The following SLC4A4 variants were observed in gnomAD, a reference collection of about 807,000 sequenced individuals.
SLC4A4 encodes the protein electrogenic sodium bicarbonate cotransporter 1.
Under a neutral mutation model 111.5 loss-of-function variants are expected in SLC4A4, and 27 were observed. That is an observed-to-expected ratio of 0.24 (90% CI 0.18 to 0.33). The LOEUF (loss-of-function observed/expected upper bound fraction) is 0.33, where lower values mean the gene tolerates loss of function less well. SLC4A4 is among the 10% of genes least tolerant of loss of function. The pLI is 1.00. For missense variants in SLC4A4, 909 were observed against 1,315.5 expected (o/e 0.69, Z 4.78); for synonymous variants, 443 against 463.4 (o/e 0.96, Z 0.57).
At chr4:71,175,907 C>A (rs1189495721) in intron 2 of SLC4A4, among the ~76,000 whole-genome samples, 1 of 152,204 alleles carries the variant, frequency 6.6e-6, no homozygotes, top group African/African-American at 2.4e-5. Flanking sequence ...CCCCGAGTAA[C>A]CTAACTGGGA....
intron 2 of SLC4A4, among the ~76,000 whole-genome samples, chr4:71,129,648 A>G (rs1231988259): frequency 6.6e-6 from 1 of 152,164 alleles, no homozygotes; most frequent in Non-Finnish European, 1.5e-5. Context: ...TTGTTCTACC[A>G]TAAAGACACA....
intron 18 of SLC4A4, among the ~76,000 whole-genome samples, chr4:71,535,017 C>T (rs552025264): frequency 3.9e-5 from 6 of 152,070 alleles, no homozygotes; most frequent in Non-Finnish European, 8.8e-5. Flanking sequence ...AATGTTTTTC[C>T]AGCTCCAGTG....
intron 12 of SLC4A4, among the ~76,000 whole-genome samples, chr4:71,463,904 C>T (rs1339800154): frequency 6.6e-6 from 1 of 152,146 alleles, no homozygotes; most frequent in African/African-American, 2.4e-5. Context: ...AAAATCTCTT[C>T]TTTTGTATTG....
intron 1 of SLC4A4, among the ~76,000 whole-genome samples, chr4:71,085,237 CT>C (rs1742124245): frequency 6.6e-6 from 1 of 151,926 alleles, no homozygotes. Flanking sequence ...CCTTCGCCCA[CT>C]TTTTGATGGG....
At chr4:71,379,996 T>G (rs1320208025) in intron 6 of SLC4A4, among the ~76,000 whole-genome samples, 1 of 152,114 alleles carries the variant, frequency 6.6e-6, no homozygotes, top group African/African-American at 2.4e-5. Flanking sequence ...GTTGACTAAA[T>G]GGACACTTAA....
intron 7 of SLC4A4, among the ~76,000 whole-genome samples, chr4:71,423,876 A>G (rs963379765): frequency 7.2e-5 from 11 of 152,318 alleles, no homozygotes; most frequent in Middle Eastern, 3.4e-3. Flanking sequence ...TAGACCTAAA[A>G]CCATAAAAAC....
At chr4:71,523,825 T>TAA (rs1232465146) in intron 16 of SLC4A4, among the ~76,000 whole-genome samples, 1 of 152,176 alleles carries the variant, frequency 6.6e-6, no homozygotes, top group Non-Finnish European at 1.5e-5. Flanking sequence ...ATGATAGTGA[T>TAA]TTATTTGAGT....
intron 3 of SLC4A4, among the ~76,000 whole-genome samples, chr4:71,291,342 T>C (rs955626151): frequency 3.3e-5 from 5 of 152,140 alleles, no homozygotes; most frequent in Admixed American, 1.3e-4. Context: ...TAATAAAATT[T>C]AAAAAAAGTT....
At chr4:71,501,350 A>G (rs1430120061) in intron 16 of SLC4A4, among the ~76,000 whole-genome samples, 2 of 151,604 alleles carry the variant, frequency 1.3e-5, no homozygotes, top group Non-Finnish European at 1.5e-5. Flanking sequence ...TTTTTGGTGG[A>G]GTCTTTATGT....
intron 16 of SLC4A4, among the ~76,000 whole-genome samples, chr4:71,498,866 C>A (rs1163143072): frequency 6.6e-6 from 1 of 152,148 alleles, no homozygotes; most frequent in Non-Finnish European, 1.5e-5. Context: ...CACACTCTCT[C>A]TCTCTTACTT....
chr4:71,328,951 G>T (rs1239321593), intron 3 of SLC4A4, among the ~76,000 whole-genome samples: 2 of 152,070 alleles, frequency 1.3e-5, no homozygotes, highest in African/African-American at 4.8e-5. Flanking sequence ...ATAGTTTGAG[G>T]TTTTAAATTT....
intron 1 of SLC4A4, among the ~76,000 whole-genome samples, chr4:71,079,604 T>C (rs1315613721): frequency 2.0e-5 from 3 of 151,892 alleles, no homozygotes. Context: ...AGCAAGACCC[T>C]ATCTCTCTAA....
At chr4:71,405,873 T>C (rs1720793684) in intron 7 of SLC4A4, among the ~76,000 whole-genome samples, 1 of 152,164 alleles carries the variant, frequency 6.6e-6, no homozygotes, top group Admixed American at 6.6e-5. Flanking sequence ...GAGTTTATTT[T>C]CCTGATCTAA....
intron 1 of SLC4A4, among the ~76,000 whole-genome samples, chr4:71,216,844 C>T (rs2149017467): frequency 6.6e-6 from 1 of 152,266 alleles, no homozygotes; most frequent in African/African-American, 2.4e-5. Flanking sequence ...GGACTTGCGG[C>T]ATGACAATAC....
At chr4:71,539,023 A>C (rs1734811854) in intron 18 of SLC4A4, among the ~76,000 whole-genome samples, 1 of 152,078 alleles carries the variant, frequency 6.6e-6, no homozygotes, top group African/African-American at 2.4e-5. Flanking sequence ...GGGAGAAATA[A>C]TTTAGGATAG....
intron 3 of SLC4A4, among the ~76,000 whole-genome samples, chr4:71,292,658 A>G (rs1724442866): frequency 6.6e-6 from 1 of 152,074 alleles, no homozygotes; most frequent in South Asian, 2.1e-4. Flanking sequence ...GATATTCACA[A>G]CATTTCTTGA....
At chr4:71,318,322 G>C (rs1013872816) in intron 3 of SLC4A4, among the ~76,000 whole-genome samples, 1 of 151,994 alleles carries the variant, frequency 6.6e-6, no homozygotes, top group Admixed American at 6.6e-5. Flanking sequence ...TTTTGACTTA[G>C]TTCAGAACAT....
At chr4:71,416,921 A>AT (rs992631328) in intron 7 of SLC4A4, among the ~76,000 whole-genome samples, 4 of 152,104 alleles carry the variant, frequency 2.6e-5, no homozygotes, top group African/African-American at 4.8e-5. Flanking sequence ...TCAGCAGGGA[A>AT]TTTTTTTAAA....
intron 6 of SLC4A4, among the ~76,000 whole-genome samples, chr4:71,375,308 A>G (rs990118483): frequency 2.0e-5 from 3 of 152,196 alleles, no homozygotes; most frequent in African/African-American, 7.2e-5. Context: ...GGCCTAACCC[A>G]TAGTGAACTA....
Sources: allele counts gnomAD v4.1 joint callset (sites outside exome capture counted in the v4.1 genomes callset), GRCh38; gene constraint gnomAD v4.1.1; transcripts MANE v1.5; gene names NCBI Gene and HGNC (gene_info 2026-07-23, HGNC 2026-07-21).